FGF7: variants seen among roughly 807,000 people sequenced by gnomAD.
The protein encoded by FGF7 is fibroblast growth factor 7, also known as FGF-7.
In FGF7, 6 loss-of-function variants were observed where a neutral mutation model predicts 20.5. The ratio of observed to expected loss-of-function variants is 0.29; its 90% CI spans 0.16 to 0.58. The LOEUF is 0.58. FGF7 is among the 20% of genes least tolerant of loss of function. The probability of loss-of-function intolerance (pLI) is 0.90; values close to 1 mark genes in which losing one functional copy is unlikely to be tolerated. For missense variants in FGF7, 144 were observed against 228.8 expected, an observed-to-expected ratio of 0.63 and a Z score of 2.39; for synonymous variants, 64 against 74.7, an observed-to-expected ratio of 0.86 and a Z score of 0.74.
chr15:49,443,150 A>G (rs1256503815), intron 2 of FGF7, among the ~76,000 whole-genome samples: 4 of 151,810 alleles, frequency 2.6e-5, no homozygotes, highest in African/African-American at 9.6e-5. Flanking sequence ...CAATTGTTAA[A>G]TTTTCAAAAA....
intron 2 of FGF7, among the ~76,000 whole-genome samples, chr15:49,471,704 T>C (rs1320553428): frequency 6.6e-6 from 1 of 152,052 alleles, no homozygotes; most frequent in Non-Finnish European, 1.5e-5. Context: ...TCATGCTTTA[T>C]GTAACAATAA....
intron 2 of FGF7, among the ~76,000 whole-genome samples, chr15:49,442,675 T>C (rs957731708): frequency 2.6e-5 from 4 of 151,758 alleles, no homozygotes; most frequent in Admixed American, 6.6e-5. Context: ...TTGCCTGCCA[T>C]TATAAAGCTG....
At chr15:49,453,477 T>C (rs2052972345) in intron 2 of FGF7, among the ~76,000 whole-genome samples, 1 of 152,174 alleles carries the variant, frequency 6.6e-6, no homozygotes, top group Non-Finnish European at 1.5e-5. Flanking sequence ...AATGCATGTT[T>C]TTCCTTTACA....
chr15:49,463,995 C>T (rs1243729084), intron 2 of FGF7, among the ~76,000 whole-genome samples: 11 of 151,898 alleles, frequency 7.2e-5, no homozygotes, highest in African/African-American at 2.2e-4. Context: ...TTTTCATTGG[C>T]GGAGGTGAGA....
At chr15:49,451,150 CA>C (rs2052691766) in intron 2 of FGF7, among the ~76,000 whole-genome samples, 1 of 151,428 alleles carries the variant, frequency 6.6e-6, no homozygotes, top group African/African-American at 2.4e-5. Flanking sequence ...TATTTGTTTC[CA>C]AAATATTAAC....
rs186892173 is a variant in FGF7, at chr15:49,482,188, A to G, written c.287-963A>G. ...AAATGTAATTAATAGCAAATTGCAT[A>G]AAAGTACATTAAAATTTTAATTATT... On this transcript the variant is annotated intron_variant, in intron 2 of 3. Transcript: ENST00000267843. Among the ~76,000 whole-genome samples, 635 of 152,250 alleles carry G rather than the reference A, an allele frequency of 4.2e-3. 1 individual carries two copies. The highest frequency in any genetic ancestry group is 7.2e-3 in the Non-Finnish European group (488 of 67,938).
chr15:49,483,937 G>A (rs577693553), intron 3 of FGF7, among the ~76,000 whole-genome samples: 2 of 152,146 alleles, frequency 1.3e-5, no homozygotes, highest in South Asian at 4.1e-4. Context: ...GGGAGGCAGA[G>A]GTTCTGCTAA....
chr15:49,466,970 C>T (rs958162549), intron 2 of FGF7, among the ~76,000 whole-genome samples: 8 of 152,128 alleles, frequency 5.3e-5, no homozygotes, highest in Admixed American at 1.3e-4. Context: ...ACCAAAATGA[C>T]TTTAAATCGT....
intron 2 of FGF7, among the ~76,000 whole-genome samples, chr15:49,435,320 T>C (rs1370526006): frequency 6.6e-6 from 1 of 151,574 alleles, no homozygotes; most frequent in Non-Finnish European, 1.5e-5. Context: ...ATGTTTGGCA[T>C]GTAAGGACAA....
At chr15:49,430,022 C>A (rs962784457) in intron 2 of FGF7, among the ~76,000 whole-genome samples, 3 of 151,842 alleles carry the variant, frequency 2.0e-5, no homozygotes, top group African/African-American at 7.3e-5. Flanking sequence ...TTAACTTGAA[C>A]CCTAGAGGAT....
At chr15:49,466,066 C>T (rs1040363459) in intron 2 of FGF7, among the ~76,000 whole-genome samples, 8 of 152,114 alleles carry the variant, frequency 5.3e-5, no homozygotes, top group African/African-American at 9.7e-5. Flanking sequence ...ATTAATAGTA[C>T]AGCAGTATGT....
intron 2 of FGF7, among the ~76,000 whole-genome samples, chr15:49,435,242 C>T (rs746331459): frequency 2.0e-5 from 3 of 151,428 alleles, no homozygotes; most frequent in Non-Finnish European, 3.0e-5. Flanking sequence ...ACTGTAAAAT[C>T]GAAGTAATCT....
chr15:49,476,330 A>T (rs1017376633), intron 2 of FGF7, among the ~76,000 whole-genome samples: 78 of 148,412 alleles, frequency 5.3e-4, no homozygotes, highest in Non-Finnish European at 9.1e-4. Context: ...GTATATATTT[A>T]TTAATATCCA....
At chr15:49,455,568 C>A (rs540770842) in intron 2 of FGF7, among the ~76,000 whole-genome samples, 12 of 152,004 alleles carry the variant, frequency 7.9e-5, no homozygotes, top group Admixed American at 6.5e-4. Context: ...GTAGGTCCAT[C>A]GTCAGTTATA....
At chr15:49,484,074 T>C (rs1301698265) in intron 3 of FGF7, among the ~76,000 whole-genome samples, 1 of 152,008 alleles carries the variant, frequency 6.6e-6, no homozygotes, top group Non-Finnish European at 1.5e-5. Flanking sequence ...AAGCTACACA[T>C]ATTTCATAAC....
At chr15:49,449,176 T>C (rs564144485) in intron 2 of FGF7, among the ~76,000 whole-genome samples, 1 of 152,096 alleles carries the variant, frequency 6.6e-6, no homozygotes, top group Admixed American at 6.6e-5. Flanking sequence ...ACTGCATTAC[T>C]AAGTCTAAGT....
chr15:49,441,535 G>C (rs976367196), intron 2 of FGF7, among the ~76,000 whole-genome samples: 6 of 151,598 alleles, frequency 4.0e-5, no homozygotes, highest in Non-Finnish European at 7.4e-5. Context: ...AAGCATTACA[G>C]ACAAAGTGGG....
At chr15:49,458,698 T>G (rs2053533683) in intron 2 of FGF7, among the ~76,000 whole-genome samples, 1 of 152,132 alleles carries the variant, frequency 6.6e-6, no homozygotes, top group Non-Finnish European at 1.5e-5. Flanking sequence ...ATCAACTTCA[T>G]AATAATGTTT....
In FGF7 at chr15:49,488,378, T is replaced by C. The variant is rs1217763880; in HGVS notation, c.*3874T>C. Reference sequence around the variant, plus strand: ...ACATATACTCCCACCTATCCTTTAATTTTGAATGGTTTGTCAGGAAAATTT... The same window carrying C: ...ACATATACTCCCACCTATCCTTTAACTTTGAATGGTTTGTCAGGAAAATTT... On this transcript the variant is annotated 3_prime_UTR_variant, in exon 4 of 4. Coordinates refer to ENST00000267843, the MANE Select transcript of FGF7 (RefSeq NM_002009.4). 1 of 152,006 alleles carries C rather than the reference T, an allele frequency of 6.6e-6. No homozygotes were observed. Among genetic ancestry groups the C allele is most frequent in the Admixed American group, 6.6e-5 (1 of 15,218 alleles). The allele number at this position is 152,006 out of a possible 1,614,324, so 9.4% of individuals were successfully genotyped here. A position where few individuals can be genotyped will look rare whatever the true frequency, so the allele number is the denominator to read the frequency against.
Sources: gnomAD v4.1 joint callset for allele counts (sites outside exome capture counted in the v4.1 genomes callset) on GRCh38, gnomAD v4.1.1 for gene constraint, MANE v1.5 for transcripts, NCBI Gene and HGNC (gene_info 2026-07-23, HGNC 2026-07-21) for gene names.